The following BNIP5 variants were observed in gnomAD, a reference collection of about 807,000 sequenced individuals.
The protein encoded by BNIP5 is BCL2 interacting protein 5, also known as protein BNIP5.
Under a neutral mutation model 67.3 loss-of-function variants are expected in BNIP5, and 61 were observed. That is an observed-to-expected ratio of 0.91 (90% CI 0.74 to 1.12). The LOEUF (loss-of-function observed/expected upper bound fraction) is 1.12, where lower values mean the gene tolerates loss of function less well. Ranked by LOEUF, BNIP5 falls within the 50% of genes most tolerant of loss-of-function variation. BNIP5 has a pLI of 0.00. For synonymous variants in BNIP5, 317 were observed against 319.0 expected (o/e 0.99, Z 0.07); for missense variants, 826 against 816.3 (o/e 1.01, Z -0.14).
intron 9 of BNIP5, 26 bp downstream of exon 9, chr6:36,322,285 C>T: frequency 6.2e-7 from 1 of 1,613,600 alleles, no homozygotes; most frequent in Non-Finnish European, 8.5e-7. Context: ...GGAAGCTGTC[C>T]AGGTAAGAGC....
intron 6 of BNIP5, 57 bp from the exon 7 acceptor site, chr6:36,324,247 C>A: frequency 1.3e-6 from 2 of 1,493,854 alleles, no homozygotes; most frequent in South Asian, 2.3e-5. Flanking sequence ...CTTCTGCGGT[C>A]AGTCTTCATT....
chr6:36,330,376 G>A lies in BNIP5; in HGVS notation c.315C>T (p.Asn105=). Residue 105 remains asparagine (N), a synonymous_variant, in exon 2 of 12, where the codon AAC becomes AAT. Coordinates refer to ENST00000437635, the MANE Select transcript of BNIP5 (RefSeq NM_001010903.5). ...CCTCAGGGCCCGTCCTCACGAAGAA[G>A]TTCAGCATGGTCTTCAGCCACCCCT... is the stretch of plus-strand genomic sequence containing the variant. ...TKKGWLKTML[N]FFVRTGPEEP... is the part of the protein sequence containing the mutation. 2 of 1,614,160 alleles carry A rather than the reference G, an allele frequency of 1.2e-6. No homozygotes were observed. Among genetic ancestry groups the A allele is most frequent in the Non-Finnish European group, 1.7e-6 (2 of 1,180,018 alleles).
rs1039942725 is a variant in BNIP5, at chr6:36,315,804, A to G, written c.*1552T>C. ...TTTGCTCAAATAACACGGTACAAAA[A>G]TGAGACTCAGATGCCAGCATCAGGA... On this transcript the variant is annotated 3_prime_UTR_variant, in exon 12 of 12. Transcript: ENST00000437635. 1.3e-5 allele frequency: 2 copies of G among 152,662 alleles called. No homozygotes were observed. Among genetic ancestry groups the G allele is most frequent in the African/African-American group, 4.8e-5 (2 of 41,464 alleles). The allele number at this position is 152,662 out of a possible 1,614,324, so 9.5% of individuals were successfully genotyped here. A position where few individuals can be genotyped will look rare whatever the true frequency, so the allele number is the denominator to read the frequency against.
chr6:36,319,226 T>G, intron 11 of BNIP5, 130 bp downstream of exon 11: 27 of 1,100,144 alleles, frequency 2.5e-5, no homozygotes, highest in Non-Finnish European at 3.3e-5. Flanking sequence ...AGGTGACATT[T>G]GAGATAGACC....
At chr6:36,327,637 C>T (rs1045386038) in intron 3 of BNIP5, among the ~76,000 whole-genome samples, 1 of 152,192 alleles carries the variant, frequency 6.6e-6, no homozygotes, top group Non-Finnish European at 1.5e-5. Context: ...ACAGAGACAG[C>T]CTGCCACGCT....
At position 36,316,818 on chromosome 6, in the gene BNIP5, G is replaced by GTC; in HGVS notation, c.*537_*538insGA. 1 of 399,844 alleles carries GTC rather than the reference G, an allele frequency of 2.5e-6. No individual in the cohort carries two copies. 24.8% of individuals were successfully genotyped at this position (399,844 alleles called of 1,614,324 possible). Reference sequence around the variant, plus strand: ...CCAGTCTCTAGGTTTTTCCATCTTGGGCCTGCAGAGTTCCTGGGAGGCATC... The same window carrying GTC: ...CCAGTCTCTAGGTTTTTCCATCTTGGTCGCCTGCAGAGTTCCTGGGAGGCATC... On this transcript the variant is annotated 3_prime_UTR_variant, in exon 12 of 12. Coordinates refer to ENST00000437635, the MANE Select transcript of BNIP5 (RefSeq NM_001010903.5).
Position 36,317,514 on chromosome 6 carries a change from T to C in BNIP5, c.1924-123A>G, listed in dbSNP as rs190491593. 818 of 822,088 alleles carry C rather than the reference T, an allele frequency of 1.0e-3. 12 individuals are homozygous for C. The highest frequency in any genetic ancestry group is 9.2e-3 in the South Asian group (655 of 71,288). The allele number at this position is 822,088 out of a possible 1,614,324, so 50.9% of individuals were successfully genotyped here. Reference sequence around the variant, plus strand: ...ACCCCAGCCTCCATCTCTGGGTCTTTGTTCTTGCAACACCTCCTGCTGACA... The same window carrying C: ...ACCCCAGCCTCCATCTCTGGGTCTTCGTTCTTGCAACACCTCCTGCTGACA... On this transcript the variant is annotated intron_variant, in intron 11 of 11. Transcript: ENST00000437635.
intron 1 of BNIP5, 32 bp from the exon 2 acceptor site, chr6:36,330,726 TTTTGTTTG>T: frequency 6.6e-7 from 1 of 1,517,466 alleles, no homozygotes; most frequent in Non-Finnish European, 8.7e-7. Flanking sequence ...CCCTTAGTTT[TTTTGTTTG>T]TTTGTTTTGA....
At chr6:36,325,254 G>T (rs764654251) in intron 6 of BNIP5, 29 bp downstream of exon 6, 2 of 1,612,238 alleles carry the variant, frequency 1.2e-6, no homozygotes, top group Non-Finnish European at 1.7e-6. Flanking sequence ...TTTGCAAGGG[G>T]TGTCTGAGAA....
At chr6:36,325,152 C>A in intron 6 of BNIP5, 131 bp downstream of exon 6, 1 of 1,020,132 alleles carries the variant, frequency 9.8e-7, no homozygotes, top group Non-Finnish European at 1.5e-6. Context: ...AGCTGCCTCC[C>A]CAGCCTGCTG....
At position 36,324,122 on chromosome 6, in the gene BNIP5, T is replaced by G. The variant is rs901266728; in HGVS notation, c.1230+7A>C. Reference sequence around the variant, plus strand: ...GGTCAGGGTTACATGGGGAGCGTCTTCCTCACCTCCTCTCCTTGCTGTTCT... The same window carrying G: ...GGTCAGGGTTACATGGGGAGCGTCTGCCTCACCTCCTCTCCTTGCTGTTCT... On this transcript the variant is annotated splice_region_variant and intron_variant, in intron 7 of 11. Coordinates refer to ENST00000437635, the MANE Select transcript of BNIP5 (RefSeq NM_001010903.5). 1.2e-6 allele frequency: 2 copies of G among 1,612,020 alleles called. No homozygotes were observed. The highest frequency in any genetic ancestry group is 2.7e-5 in the African/African-American group (2 of 74,950).
At chr6:36,333,886 C>T (rs1771957440) in intron 1 of BNIP5, among the ~76,000 whole-genome samples, 1 of 152,192 alleles carries the variant, frequency 6.6e-6, no homozygotes, top group Non-Finnish European at 1.5e-5. Context: ...ATGGGGTTGT[C>T]AGAGAAGCTG....
intron 3 of BNIP5, among the ~76,000 whole-genome samples, chr6:36,327,715 A>AC (rs1025997471): frequency 1.3e-5 from 2 of 152,034 alleles, no homozygotes; most frequent in African/African-American, 2.4e-5. Flanking sequence ...TTCCTTTGAT[A>AC]CCCCAGTCAG....
chr6:36,336,490 C>T (rs990884945), intron 1 of BNIP5, among the ~76,000 whole-genome samples: 1 of 152,116 alleles, frequency 6.6e-6, no homozygotes, highest in Non-Finnish European at 1.5e-5. Flanking sequence ...TTGAGAAACA[C>T]CCCGTTGAGA....
chr6:36,328,749 T>C, intron 2 of BNIP5, 35 bp from the exon 3 acceptor site: 1 of 1,266,260 alleles, frequency 7.9e-7, no homozygotes. Context: ...GGTATGTAGG[T>C]GTGTATGTGC....
At chr6:36,318,760 A>C (rs551200771) in intron 11 of BNIP5, among the ~76,000 whole-genome samples, 1 of 152,130 alleles carries the variant, frequency 6.6e-6, no homozygotes, top group South Asian at 2.1e-4. Flanking sequence ...TCTGAAGGGA[A>C]TATCTCAGAG....
rs1293754493 is a variant in BNIP5 at position 36,317,335 on chromosome 6, T to C, written c.*21A>G. 2.5e-6 allele frequency: 4 copies of C among 1,608,756 alleles called. No individual in the cohort carries two copies. On this transcript the variant is annotated 3_prime_UTR_variant, in exon 12 of 12. Transcript: ENST00000437635. Reference sequence around the variant, plus strand: ...GAACCATTTGGCTAGTTCAAGGGAATTTGAGTGCAAGACACAGCTTTCAAT... The same window carrying C: ...GAACCATTTGGCTAGTTCAAGGGAACTTGAGTGCAAGACACAGCTTTCAAT...
chr6:36,331,629 C>G (rs949790418), intron 1 of BNIP5, among the ~76,000 whole-genome samples: 1 of 152,216 alleles, frequency 6.6e-6, no homozygotes, highest in East Asian at 1.9e-4. Context: ...CAACTCTTTT[C>G]TTCCAACTGC....
chr6:36,330,594 C>A lies in BNIP5; in HGVS notation c.97G>T (p.Asp33Tyr). The A allele has an allele frequency of 6.2e-7, 1 of 1,612,626 alleles. No individual in the cohort carries two copies. Among genetic ancestry groups the A allele is most frequent in the Non-Finnish European group, 8.5e-7 (1 of 1,180,020 alleles). The change falls in exon 2 of 12, where the codon GAC becomes TAC. Residue 33 changes from aspartate to tyrosine, a missense_variant. Asp to Tyr is a radical substitution (Grantham distance 160, BLOSUM62 -3). Coordinates refer to ENST00000437635, the MANE Select transcript of BNIP5 (RefSeq NM_001010903.5). ...GTGGGCAGGGAGAGCCAATGGCAGT[C>A]CCACGACTCCGAGCCTTTCCCGGGG... The part of the protein sequence containing the change: ...QAPGKGSESW[D>Y]CHWLSLPTAP...
Sources: allele counts gnomAD v4.1 joint callset (sites outside exome capture counted in the v4.1 genomes callset), GRCh38; gene constraint gnomAD v4.1.1; transcripts MANE v1.5; gene names NCBI Gene and HGNC (gene_info 2026-07-23, HGNC 2026-07-21).